Variants in XKR7 observed in about 807,000 individuals in gnomAD.
The protein encoded by XKR7 is XK-related protein 7.
In XKR7, 11 loss-of-function variants were observed where a neutral mutation model predicts 42.2. The ratio of observed to expected loss-of-function variants is 0.26; its 90% CI spans 0.16 to 0.43. The LOEUF (loss-of-function observed/expected upper bound fraction) is 0.43. Among genes scored for constraint, XKR7 ranks in the 20% least tolerant of loss-of-function variants. The probability of loss-of-function intolerance (pLI) is 1.00; values close to 1 mark genes in which losing one functional copy is unlikely to be tolerated. For missense variants in XKR7, 710 were observed against 802.2 expected (o/e 0.89, Z 1.39); for synonymous variants, 346 against 366.4 (o/e 0.94, Z 0.64).
chr20:31,968,216 C>G lies in XKR7; in HGVS notation c.41C>G (p.Pro14Arg). 8.6e-7 allele frequency: 1 copy of G among 1,164,994 alleles called. No homozygotes were observed. Among genetic ancestry groups the G allele is most frequent in the Non-Finnish European group, 1.1e-6 (1 of 944,718 alleles). 72.2% of individuals were successfully genotyped at this position (1,164,994 alleles called of 1,614,324 possible). ...GATGGAGCGGCGGCCTCGGCCAGCC[C>G]GGACCCGGAGGGGGCTGCCGGTGGA... Reference protein sequence around the residue: ...KSDGAAASASPDPEGAAGGAR... With the variant: ...KSDGAAASASRDPEGAAGGAR... Residue 14 changes from proline to arginine, a missense_variant, in exon 1 of 3, where the codon CCG becomes CGG. Around this residue, in one of 2 missense-constraint regions of XKR7, gnomAD observed 708 missense variants for 786.2 expected, o/e 0.90. Transcript: ENST00000562532. The surrounding 1 kb of genome is among the most constrained non-coding windows in gnomAD (Gnocchi z 4.5).
In XKR7 at chr20:31,997,767, G is replaced by A. The variant is rs531030649; in HGVS notation, c.*310G>A. On this transcript the variant is annotated 3_prime_UTR_variant, in exon 3 of 3. Transcript: ENST00000562532. The stretch of plus-strand genomic sequence containing the variant: ...CCTCCACACCTCTCCCCTGCCTGGC[G>A]TTGCCCATGTGTTGCCCCTGCTGGA... 3.6e-4 allele frequency: 129 copies of A among 361,028 alleles called. No homozygotes were observed. Among genetic ancestry groups the A allele is most frequent in the South Asian group, 1.8e-3 (40 of 22,472 alleles). 22.4% of individuals were successfully genotyped at this position (361,028 alleles called of 1,614,324 possible). A position where few individuals can be genotyped will look rare whatever the true frequency, so the allele number is the denominator to read the frequency against.
chr20:31,972,778 C>A (rs1404173870), intron 1 of XKR7, among the ~76,000 whole-genome samples: 2 of 152,176 alleles, frequency 1.3e-5, no homozygotes, highest in Non-Finnish European at 2.9e-5. Context: ...CCCTCTAATG[C>A]CCTCTCTATG....
Position 31,997,108 on chromosome 20 carries a change from C to T in XKR7, c.1391C>T (p.Pro464Leu). 6 of 1,613,256 alleles carry T rather than the reference C, an allele frequency of 3.7e-6. No homozygotes were observed. Among genetic ancestry groups the T allele is most frequent in the Non-Finnish European group, 5.1e-6 (6 of 1,180,032 alleles). The change falls in exon 3 of 3, where the codon CCA (proline) becomes CTA (leucine). Residue 464 changes from proline (P) to leucine (L), a missense_variant. Physicochemically the swap from Pro to Leu is moderately conservative, Grantham distance 98. Transcript: ENST00000562532. ...IFRKASEPCG[P>L]PADAITSPPR... ...CGTAAGGCCTCAGAGCCCTGTGGCC[C>T]ACCCGCTGACGCCATCACGAGTCCC... is the stretch of plus-strand genomic sequence containing the variant.
At chr20:31,980,914 A>G (rs1009074473) in intron 1 of XKR7, among the ~76,000 whole-genome samples, 1 of 152,130 alleles carries the variant, frequency 6.6e-6, no homozygotes, top group Non-Finnish European at 1.5e-5. Flanking sequence ...ATTTAAAAAA[A>G]TATATCCTGG....
rs1224753020 is a variant in XKR7 at position 31,998,474 on chromosome 20, C to G, written c.*1017C>G. 6.6e-6 allele frequency: 1 copy of G among 152,244 alleles called. No homozygotes were observed. Among genetic ancestry groups the G allele is most frequent in the African/African-American group, 2.4e-5 (1 of 41,396 alleles). 9.4% of individuals were successfully genotyped at this position (152,244 alleles called of 1,614,324 possible). On this transcript the variant is annotated 3_prime_UTR_variant, in exon 3 of 3. Transcript: ENST00000562532. ...AGGGAGCCACTCTGATCTGTGTATTCTGTTGTGAGGAGGAGGACACTGGAG... is the reference window on the plus strand; with the variant it reads ...AGGGAGCCACTCTGATCTGTGTATTGTGTTGTGAGGAGGAGGACACTGGAG...
At chr20:31,976,645 A>G (rs1600656560) in intron 1 of XKR7, among the ~76,000 whole-genome samples, 1 of 152,150 alleles carries the variant, frequency 6.6e-6, no homozygotes, top group Non-Finnish European at 1.5e-5. Flanking sequence ...TCGGCCTCCC[A>G]AAGTGCTGGG....
intron 1 of XKR7, among the ~76,000 whole-genome samples, chr20:31,987,016 C>G (rs2064544969): frequency 1.3e-5 from 2 of 150,602 alleles, no homozygotes; most frequent in Non-Finnish European, 3.0e-5. Flanking sequence ...CACAGACAGA[C>G]AGACCACCAA....
chr20:31,985,697 C>CACAG (rs1409497060), intron 1 of XKR7, among the ~76,000 whole-genome samples: 18 of 140,924 alleles, frequency 1.3e-4, no homozygotes, highest in African/African-American at 4.8e-4. Flanking sequence ...GCATCCAAGA[C>CACAG]ACAGACAGAC....
Position 31,968,393 on chromosome 20 carries a change from C to T in XKR7, c.218C>T (p.Thr73Met), listed in dbSNP as rs1394036684. ...ALLVFFSDGA[T>M]DLWLAASYYL... ...CTCGTGTTCTTCTCCGACGGTGCCA[C>T]GGACCTGTGGCTGGCGGCCTCCTAC... Residue 73 changes from threonine (T) to methionine (M), a missense_variant, in exon 1 of 3, where the codon ACG becomes ATG. Physicochemically the swap from Thr to Met is moderately conservative, Grantham distance 81. This residue lies in a region of XKR7 where 708 missense variants were observed against 786.2 expected (regional missense o/e 0.90). Transcript: ENST00000562532. The surrounding 1 kb of genome is among the most constrained non-coding windows in gnomAD (Gnocchi z 4.5). 2.5e-6 allele frequency: 4 copies of T among 1,613,352 alleles called. No homozygotes were observed. In the Admixed American group the frequency reaches 6.7e-5, roughly 27 times the overall value.
intron 1 of XKR7, among the ~76,000 whole-genome samples, chr20:31,989,774 G>A (rs891747430): frequency 2.0e-5 from 3 of 152,098 alleles, no homozygotes; most frequent in Non-Finnish European, 2.9e-5. Context: ...CCACCACATC[G>A]GCCAATTTTT....
At position 31,995,260 on chromosome 20, in the gene XKR7, C is replaced by T. The variant is rs2064586225; in HGVS notation, c.777C>T (p.Asp259=). The part of the protein sequence containing the change: ...SLLVHRGGAP[D]LLPALSTSAS... ...TGGTGCACCGCGGTGGCGCGCCCGACCTGCTGCCGGGTGAGCCCGCCCCTT... is the reference window on the plus strand; with the variant it reads ...TGGTGCACCGCGGTGGCGCGCCCGATCTGCTGCCGGGTGAGCCCGCCCCTT... Residue 259 remains aspartate, a synonymous_variant, in exon 2 of 3, where the codon GAC becomes GAT. Transcript: ENST00000562532. The surrounding 1 kb of genome is among the most constrained non-coding windows in gnomAD (Gnocchi z 4.1). 2.0e-6 allele frequency: 3 copies of T among 1,536,848 alleles called. No individual in the cohort carries two copies. The highest frequency in any genetic ancestry group is 2.0e-5 in the Admixed American group (1 of 50,894).
At chr20:31,980,289 C>G (rs2122259170) in intron 1 of XKR7, among the ~76,000 whole-genome samples, 1 of 152,278 alleles carries the variant, frequency 6.6e-6, no homozygotes, top group Non-Finnish European at 1.5e-5. Context: ...TGGCTGACAA[C>G]CCCAGGAAGG....
rs999024219 is a variant in XKR7, at chr20:32,002,666, GAATTCATTTTCCCATATTA to G, written c.*5214_*5232del. ...CAAACCAGCCTCATTTCTTGAAGAA[GAATTCATTTTCCCATATTA>G]AATTAACTCAAGCTGAGCTTCTGAT... On this transcript the variant is annotated 3_prime_UTR_variant, in exon 3 of 3. Coordinates refer to ENST00000562532, the MANE Select transcript of XKR7 (RefSeq NM_001011718.2). The G allele has an allele frequency of 2.6e-5, 4 of 152,188 alleles. No homozygotes were observed. Among genetic ancestry groups the G allele is most frequent in the African/African-American group, 9.7e-5 (4 of 41,440 alleles). The allele number at this position is 152,188 out of a possible 1,614,324, so 9.4% of individuals were successfully genotyped here. A position where few individuals can be genotyped will look rare whatever the true frequency, so the allele number is the denominator to read the frequency against.
chr20:31,986,607 A>T (rs1201870774), intron 1 of XKR7, among the ~76,000 whole-genome samples: 1 of 138,214 alleles, frequency 7.2e-6, no homozygotes, highest in African/African-American at 2.9e-5. Flanking sequence ...CAGACAGACC[A>T]CCAAACAGAT....
chr20:31,996,773 G>A lies in XKR7; in HGVS notation c.1056G>A (p.Met352Ile), dbSNP rs2064594278. ...WVIQGETDFC[M>I]SKWEEIIYNM... ...TCCAAGGGGAGACGGACTTCTGCAT[G>A]TCCAAGTGGGAGGAGATCATCTACA... Residue 352 changes from methionine (M) to isoleucine (I), a missense_variant, in exon 3 of 3, where the codon ATG becomes ATA. By Grantham distance (10) the Met-to-Ile change is conservative. Coordinates refer to ENST00000562532, the MANE Select transcript of XKR7 (RefSeq NM_001011718.2). 1 of 1,613,970 alleles carries A rather than the reference G, an allele frequency of 6.2e-7. No individual in the cohort carries two copies. The highest frequency in any genetic ancestry group is 8.5e-7 in the Non-Finnish European group (1 of 1,180,040).
In XKR7 at chr20:32,000,024, C is replaced by G. The variant is rs1369305291; in HGVS notation, c.*2567C>G. ...CCCCACTCCCCACCTCTTCTCAACC[C>G]CACACACCCTTCCCTCAGGGCTTCT... On this transcript the variant is annotated 3_prime_UTR_variant, in exon 3 of 3. Transcript: ENST00000562532. 1 of 152,322 alleles carries G rather than the reference C, an allele frequency of 6.6e-6. No individual in the cohort carries two copies. The highest frequency in any genetic ancestry group is 1.9e-4 in the East Asian group (1 of 5,198). 9.4% of individuals were successfully genotyped at this position (152,322 alleles called of 1,614,324 possible). A position where few individuals can be genotyped will look rare whatever the true frequency, so the allele number is the denominator to read the frequency against.
chr20:31,972,239 G>A (rs1250364555), intron 1 of XKR7, among the ~76,000 whole-genome samples: 1 of 148,976 alleles, frequency 6.7e-6, no homozygotes, highest in African/African-American at 2.6e-5. Context: ...CCTCCCCCCT[G>A]GTGACTATTG....
chr20:31,983,730 TGAG>T (rs1319292904), intron 1 of XKR7, among the ~76,000 whole-genome samples: 1 of 152,108 alleles, frequency 6.6e-6, no homozygotes, highest in Non-Finnish European at 1.5e-5. Flanking sequence ...GCGGATCACC[TGAG>T]GTCAGGAGTT....
rs2064633627 is a variant in XKR7, at chr20:32,003,231, G to A, written c.*5774G>A. On this transcript the variant is annotated 3_prime_UTR_variant, in exon 3 of 3. Coordinates refer to ENST00000562532, the MANE Select transcript of XKR7 (RefSeq NM_001011718.2). ...CATCTGTGCCATCCCTCATCCCCCTGACCCCCATTCACCCTCCGAGCTTCC... is the reference window on the plus strand; with the variant it reads ...CATCTGTGCCATCCCTCATCCCCCTAACCCCCATTCACCCTCCGAGCTTCC... 1 of 152,178 alleles carries A rather than the reference G, an allele frequency of 6.6e-6. No homozygotes were observed. Among genetic ancestry groups the A allele is most frequent in the Non-Finnish European group, 1.5e-5 (1 of 68,052 alleles). 9.4% of individuals were successfully genotyped at this position (152,178 alleles called of 1,614,324 possible).
Sources: allele counts gnomAD v4.1 joint callset (sites outside exome capture counted in the v4.1 genomes callset), GRCh38; gene constraint gnomAD v4.1.1; regional missense constraint gnomAD v4.1.1; non-coding constraint Gnocchi (gnomAD v3.1); transcripts MANE v1.5; gene names NCBI Gene and HGNC (gene_info 2026-07-23, HGNC 2026-07-21).